The following ARHGAP6 variants were observed in gnomAD, a reference collection of about 807,000 sequenced individuals.
The protein encoded by ARHGAP6 is rho GTPase-activating protein 6.
Under a neutral mutation model 55.7 loss-of-function variants are expected in ARHGAP6, and 16 were observed. That is an observed-to-expected ratio of 0.29 (90% confidence interval 0.19 to 0.44). The LOEUF is 0.44. Among genes scored for constraint, ARHGAP6 ranks in the 20% least tolerant of loss-of-function variants. The pLI is 1.00. For synonymous variants in ARHGAP6, 382 were observed against 360.9 expected (o/e 1.06, Z -0.66); for missense variants, 698 against 808.9 (o/e 0.86, Z 1.66).
chrX:11,249,063 T>C (rs1569272359), intron 2 of ARHGAP6, among the ~76,000 whole-genome samples: 1 of 112,022 alleles, frequency 8.9e-6, no homozygotes, highest in Non-Finnish European at 1.9e-5. Context: ...GTGGTATATA[T>C]ATAAGTATGA....
At chrX:11,530,029 C>G (rs1019567581) in intron 1 of ARHGAP6, among the ~76,000 whole-genome samples, 19 of 111,845 alleles carry the variant, frequency 1.7e-4, no homozygotes, top group African/African-American at 6.2e-4. Flanking sequence ...ATATGGCTCT[C>G]TCAAGTTTAC....
At chrX:11,388,611 A>G (rs2049361685) in intron 1 of ARHGAP6, among the ~76,000 whole-genome samples, 1 of 111,512 alleles carries the variant, frequency 9.0e-6, no homozygotes, top group Non-Finnish European at 1.9e-5. Flanking sequence ...TTGGTGTTTT[A>G]GACATGAAGT....
intron 1 of ARHGAP6, among the ~76,000 whole-genome samples, chrX:11,472,498 G>T (rs779277800): frequency 1.8e-5 from 2 of 111,669 alleles, no homozygotes; most frequent in South Asian, 7.6e-4. Context: ...AGTGGGAACA[G>T]CGGGTGAAAA....
intron 1 of ARHGAP6, among the ~76,000 whole-genome samples, chrX:11,292,368 AG>A (rs1430550159): frequency 8.9e-6 from 1 of 111,955 alleles, no homozygotes; most frequent in African/African-American, 3.2e-5. Context: ...ATACCAAGGT[AG>A]AGGGGTAAAA....
chrX:11,286,744 C>G (rs895369156), intron 1 of ARHGAP6, among the ~76,000 whole-genome samples: 5 of 112,297 alleles, frequency 4.5e-5, no homozygotes, highest in Admixed American at 1.9e-4. Flanking sequence ...AAATAATTAT[C>G]TGGCCCCAAA....
intron 1 of ARHGAP6, among the ~76,000 whole-genome samples, chrX:11,631,070 C>T: frequency 9.0e-6 from 1 of 110,770 alleles, no homozygotes; most frequent in Non-Finnish European, 1.9e-5. Context: ...GGACATGTCA[C>T]TCATGTAAAT....
intron 2 of ARHGAP6, among the ~76,000 whole-genome samples, chrX:11,226,001 CT>C (rs199595553): frequency 0.015 from 1,494 of 102,273 alleles, 29 homozygotes; most frequent in African/African-American, 0.049. Flanking sequence ...CCGAGAGTTT[CT>C]TTTTTTTTTT....
intron 2 of ARHGAP6, among the ~76,000 whole-genome samples, chrX:11,240,141 T>C (rs973644184): frequency 5.6e-4 from 63 of 112,239 alleles, no homozygotes; most frequent in African/African-American, 2.0e-3. Flanking sequence ...CCCAGCAACA[T>C]AAGTTAAATT....
intron 9 of ARHGAP6, among the ~76,000 whole-genome samples, chrX:11,158,467 C>A (rs2045894740): frequency 8.9e-6 from 1 of 112,464 alleles, no homozygotes; most frequent in African/African-American, 3.2e-5. Flanking sequence ...CTTCAAATTA[C>A]TTAAGCTAGT....
chrX:11,236,990 T>G lies in ARHGAP6; in HGVS notation c.748+17558A>C, dbSNP rs974636422. On this transcript the variant is annotated intron_variant, in intron 2 of 12. Coordinates refer to ENST00000337414, the MANE Select transcript of ARHGAP6 (RefSeq NM_013427.3). The stretch of plus-strand genomic sequence containing the variant: ...AAACAGCGGACATCCATTTGTGCAA[T>G]GCATTTAGACTCTGCCCTCCCAGAA... 2.7e-5 allele frequency among the ~76,000 whole-genome samples: 3 copies of G among 112,549 alleles called. No homozygotes were observed. The Admixed American group carries it at 2.8e-4, about 11-fold the overall frequency.
At chrX:11,471,088 G>A (rs1329069917) in intron 1 of ARHGAP6, among the ~76,000 whole-genome samples, 1 of 112,000 alleles carries the variant, frequency 8.9e-6, no homozygotes, top group African/African-American at 3.2e-5. Context: ...GAACAGTAAA[G>A]TAAAATGATA....
chrX:11,344,143 T>C (rs1181905025), intron 1 of ARHGAP6, among the ~76,000 whole-genome samples: 1 of 111,844 alleles, frequency 8.9e-6, no homozygotes, highest in Non-Finnish European at 1.9e-5. Context: ...TTACTCAATA[T>C]AAGCATTATT....
At chrX:11,564,158 A>G (rs970327113) in intron 1 of ARHGAP6, among the ~76,000 whole-genome samples, 2 of 112,145 alleles carry the variant, frequency 1.8e-5, no homozygotes, top group African/African-American at 6.5e-5. Flanking sequence ...CAATATATAC[A>G]GGTTAAATAA....
intron 1 of ARHGAP6, among the ~76,000 whole-genome samples, chrX:11,373,387 T>A (rs1482701635): frequency 1.9e-5 from 2 of 105,950 alleles, no homozygotes; most frequent in Non-Finnish European, 3.9e-5. Flanking sequence ...AGACATTGTT[T>A]AAAAAAAAAA....
chrX:11,534,189 C>T (rs142611575), intron 1 of ARHGAP6, among the ~76,000 whole-genome samples: 1,329 of 111,555 alleles, frequency 0.012, 7 homozygotes, highest in Non-Finnish European at 0.02. Context: ...GAGATGCTGC[C>T]TACCGCAATA....
chrX:11,510,656 C>T (rs2050777111), intron 1 of ARHGAP6, among the ~76,000 whole-genome samples: 1 of 111,194 alleles, frequency 9.0e-6, no homozygotes, highest in Non-Finnish European at 1.9e-5. Context: ...TTGCATTGTG[C>T]ACTCCCAACC....
At chrX:11,273,928 T>G (rs2047722730) in intron 1 of ARHGAP6, among the ~76,000 whole-genome samples, 1 of 111,822 alleles carries the variant, frequency 8.9e-6, no homozygotes, top group Non-Finnish European at 1.9e-5. Context: ...TAAACAATCT[T>G]AAAATGTGAG....
At position 11,520,131 on chromosome X, in the gene ARHGAP6, T is replaced by TTATATATATATA. The variant is rs1160731443; in HGVS notation, c.588+144098_588+144109dup. 5.4e-3 allele frequency among the ~76,000 whole-genome samples: 98 copies of TTATATATATATA among 18,255 alleles called. 6 individuals carry two copies. The highest frequency in any genetic ancestry group is 6.5e-3 in the Non-Finnish European group (65 of 9,972). The allele number at this position is 18,255 out of a possible 115,157, so 15.9% of individuals were successfully genotyped here. On this transcript the variant is annotated intron_variant, in intron 1 of 12. Transcript: ENST00000337414. ...TTCTTTAACAGTTAGAGAATTGATT[T>TTATATATATATA]TATATATATATATATATATATATAT...
At chrX:11,306,677 ACTAATTCGTCAT>A (rs2048241603) in intron 1 of ARHGAP6, among the ~76,000 whole-genome samples, 1 of 112,409 alleles carries the variant, frequency 8.9e-6, no homozygotes. Context: ...TGAAAGATAA[ACTAATTCGTCAT>A]CCGCCTCTAG....
Sources: gnomAD v4.1 joint callset for allele counts (sites outside exome capture counted in the v4.1 genomes callset) on GRCh38, gnomAD v4.1.1 for gene constraint, MANE v1.5 for transcripts, NCBI Gene and HGNC (gene_info 2026-07-23, HGNC 2026-07-21) for gene names.